The following DLG2 variants were observed in gnomAD, a reference collection of about 807,000 sequenced individuals.
DLG2 encodes disks large homolog 2.
Under a neutral mutation model 132.5 loss-of-function variants are expected in DLG2, and 45 were observed. The observed-to-expected ratio is 0.34, with a 90% CI of 0.27 to 0.44. The LOEUF (loss-of-function observed/expected upper bound fraction) is 0.44, where lower values mean the gene tolerates loss of function less well. Ranked by LOEUF, DLG2 falls within the 20% of genes least tolerant of loss-of-function variation. DLG2 has a pLI of 1.00. For synonymous variants in DLG2, 424 were observed against 419.6 expected, an observed-to-expected ratio of 1.01 and a Z score of -0.13; for missense variants, 1,045 against 1,196.9, an observed-to-expected ratio of 0.87 and a Z score of 1.87.
rs371348283 is a variant in DLG2, at chr11:84,378,819, C to G, written c.520-127528G>C. ...AATTAGTTGGGCGTGGTGGCGCACA[C>G]TGGTATTCACAGATACTCAGGAGGC... On this transcript the variant is annotated intron_variant, in intron 7 of 27. Coordinates refer to ENST00000376104, the MANE Select transcript of DLG2 (RefSeq NM_001142699.3). 4.7e-5 allele frequency among the ~76,000 whole-genome samples: 7 copies of G among 148,106 alleles called. No homozygotes were observed. The South Asian group carries it at 1.5e-3, about 31-fold the overall frequency.
chr11:83,703,182 C>T (rs1449704151), intron 18 of DLG2, among the ~76,000 whole-genome samples: 1 of 152,064 alleles, frequency 6.6e-6, no homozygotes, highest in Non-Finnish European at 1.5e-5. Context: ...AGGTCACCTA[C>T]AATGGAATAT....
intron 2 of DLG2, among the ~76,000 whole-genome samples, chr11:85,604,383 A>T (rs999456465): frequency 7.9e-5 from 12 of 152,232 alleles, no homozygotes; most frequent in African/African-American, 1.7e-4. Context: ...GAAAGTTTGA[A>T]GGTAATCTAA....
chr11:83,754,277 C>G (rs1188176689), intron 18 of DLG2, among the ~76,000 whole-genome samples: 2 of 151,148 alleles, frequency 1.3e-5, no homozygotes, highest in African/African-American at 4.9e-5. Context: ...GTTTCTAACA[C>G]TAACTTTTTA....
intron 6 of DLG2, among the ~76,000 whole-genome samples, chr11:84,569,347 T>C (rs1658296559): frequency 6.6e-6 from 1 of 151,994 alleles, no homozygotes; most frequent in Admixed American, 6.6e-5. Flanking sequence ...AATCAGGGAA[T>C]CATGACACCT....
chr11:83,694,289 G>A (rs1361719859), intron 18 of DLG2, among the ~76,000 whole-genome samples: 4 of 152,108 alleles, frequency 2.6e-5, no homozygotes, highest in Middle Eastern at 3.2e-3. Flanking sequence ...CTACCCTTGC[G>A]TGGAAAGAAC....
At chr11:84,098,318 C>T (rs2097195120) in intron 10 of DLG2, among the ~76,000 whole-genome samples, 1 of 152,114 alleles carries the variant, frequency 6.6e-6, no homozygotes, top group African/African-American at 2.4e-5. Flanking sequence ...GGATTATAGG[C>T]GTGAGCCACT....
intron 16 of DLG2, among the ~76,000 whole-genome samples, chr11:83,838,527 T>C (rs1397019538): frequency 6.6e-6 from 1 of 152,182 alleles, no homozygotes; most frequent in Non-Finnish European, 1.5e-5. Flanking sequence ...ATACCAGAGA[T>C]TGCAAACCAG....
intron 6 of DLG2, among the ~76,000 whole-genome samples, chr11:85,076,850 C>A (rs552776491): frequency 6.8e-4 from 103 of 152,136 alleles, no homozygotes; most frequent in African/African-American, 2.4e-3. Context: ...CATTTAATAT[C>A]TGCTGAGCTT....
chr11:85,368,466 C>G (rs2084719468), intron 3 of DLG2, among the ~76,000 whole-genome samples: 1 of 152,194 alleles, frequency 6.6e-6, no homozygotes, highest in Non-Finnish European at 1.5e-5. Context: ...TGACATATAT[C>G]CAAAATTCAA....
intron 4 of DLG2, among the ~76,000 whole-genome samples, chr11:85,282,310 T>C (rs1288793701): frequency 6.6e-6 from 1 of 151,892 alleles, no homozygotes; most frequent in Non-Finnish European, 1.5e-5. Context: ...AGGGCAGCTA[T>C]GATTAATAAT....
At chr11:83,579,019 T>A (rs1728827220) in intron 19 of DLG2, among the ~76,000 whole-genome samples, 2 of 152,168 alleles carry the variant, frequency 1.3e-5, no homozygotes, top group African/African-American at 4.8e-5. Flanking sequence ...TGTGTTTGGA[T>A]TTTTCTCTGA....
At chr11:84,995,823 G>A (rs2057596759) in intron 6 of DLG2, among the ~76,000 whole-genome samples, 1 of 152,104 alleles carries the variant, frequency 6.6e-6, no homozygotes, top group Non-Finnish European at 1.5e-5. Flanking sequence ...CCAGGTCCTG[G>A]GAAATCGTTA....
intron 3 of DLG2, among the ~76,000 whole-genome samples, chr11:85,473,563 A>G (rs1384998653): frequency 1.3e-5 from 2 of 152,188 alleles, no homozygotes; most frequent in Admixed American, 1.3e-4. Context: ...TATATCTGAA[A>G]AAGTATTGAC....
intron 6 of DLG2, among the ~76,000 whole-genome samples, chr11:84,767,699 A>G (rs2068636568): frequency 6.6e-6 from 1 of 152,012 alleles, no homozygotes. Flanking sequence ...AACACTCACA[A>G]GAGGTCCCCT....
chr11:85,387,719 T>A (rs1013077770), intron 3 of DLG2, among the ~76,000 whole-genome samples: 1 of 152,206 alleles, frequency 6.6e-6, no homozygotes. Context: ...GCCAGTAATA[T>A]TTGAAGAGGG....
chr11:83,819,588 T>A (rs1484175625), intron 17 of DLG2, among the ~76,000 whole-genome samples: 1 of 150,584 alleles, frequency 6.6e-6, no homozygotes, highest in Non-Finnish European at 1.5e-5. Context: ...TAAAAGTACA[T>A]GAAAAACTAC....
intron 4 of DLG2, among the ~76,000 whole-genome samples, chr11:85,267,022 A>G (rs1361854253): frequency 1.3e-5 from 2 of 152,156 alleles, no homozygotes; most frequent in Non-Finnish European, 2.9e-5. Context: ...TTTTGCATCC[A>G]TCTCTACTTT....
At chr11:84,045,379 G>A (rs897875061) in intron 11 of DLG2, among the ~76,000 whole-genome samples, 1 of 151,716 alleles carries the variant, frequency 6.6e-6, no homozygotes, top group African/African-American at 2.4e-5. Flanking sequence ...AATAGGTCCA[G>A]ATGCTAGGTG....
At chr11:84,574,402 C>A (rs748722965) in intron 6 of DLG2, among the ~76,000 whole-genome samples, 4 of 151,390 alleles carry the variant, frequency 2.6e-5, no homozygotes, top group Non-Finnish European at 4.4e-5. Context: ...GCTAAACCAA[C>A]ACATTAATGT....
Sources: allele counts gnomAD v4.1 joint callset (sites outside exome capture counted in the v4.1 genomes callset), GRCh38; gene constraint gnomAD v4.1.1; transcripts MANE v1.5; gene names NCBI Gene and HGNC (gene_info 2026-07-23, HGNC 2026-07-21).